LRP1B: variants seen among roughly 807,000 people sequenced by gnomAD.
LRP1B encodes the protein LDL receptor related protein 1B.
In LRP1B, 217 loss-of-function variants were observed where a neutral mutation model predicts 556.6. That is an observed-to-expected ratio of 0.39 (90% confidence interval 0.35 to 0.44). The LOEUF (loss-of-function observed/expected upper bound fraction) is 0.44, where lower values mean the gene tolerates loss of function less well. Ranked by LOEUF, LRP1B falls within the 20% of genes least tolerant of loss-of-function variation. LRP1B has a pLI of 1.00. For synonymous variants in LRP1B, 2,047 were observed against 1,865.8 expected, an observed-to-expected ratio of 1.10 and a Z score of -2.50; for missense variants, 5,053 against 5,620.8, an observed-to-expected ratio of 0.90 and a Z score of 3.23.
chr2:140,525,792 A>G, intron 49 of LRP1B, 52 bp downstream of exon 49: 1 of 1,562,958 alleles, frequency 6.4e-7, no homozygotes, highest in Non-Finnish European at 8.7e-7. Flanking sequence ...ACAACCAGGT[A>G]GCCTCAAAAT....
intron 43 of LRP1B, among the ~76,000 whole-genome samples, chr2:140,551,414 A>C (rs1680543595): frequency 6.6e-6 from 1 of 152,134 alleles, no homozygotes. Flanking sequence ...AACAGGGAGC[A>C]TGAAGTGCTG....
chr2:140,610,258 A>T (rs1158041740), intron 41 of LRP1B, among the ~76,000 whole-genome samples: 1 of 152,062 alleles, frequency 6.6e-6, no homozygotes, highest in Non-Finnish European at 1.5e-5. Flanking sequence ...TCTTTTTCTT[A>T]GTTGTTCCCC....
intron 2 of LRP1B, among the ~76,000 whole-genome samples, chr2:141,624,772 T>A (rs1412184594): frequency 1.3e-5 from 2 of 152,172 alleles, no homozygotes; most frequent in Non-Finnish European, 2.9e-5. Context: ...TTATTTATTT[T>A]TTATTTTTAT....
chr2:140,945,632 G>C (rs115441363), intron 20 of LRP1B, among the ~76,000 whole-genome samples: 2 of 152,104 alleles, frequency 1.3e-5, no homozygotes, highest in African/African-American at 4.8e-5. Context: ...TCAATAAATG[G>C]CGTTGGGAGC....
intron 82 of LRP1B, among the ~76,000 whole-genome samples, chr2:140,317,716 G>A (rs1684586992): frequency 6.6e-6 from 1 of 152,096 alleles, no homozygotes; most frequent in Admixed American, 6.6e-5. Context: ...AAGCACTTAA[G>A]GCATTATGAT....
chr2:140,482,113 A>G (rs1270176680), intron 59 of LRP1B, among the ~76,000 whole-genome samples: 2 of 151,988 alleles, frequency 1.3e-5, no homozygotes, highest in Non-Finnish European at 2.9e-5. Flanking sequence ...CCTACATACT[A>G]GACTGAAACA....
chr2:141,884,059 T>G (rs1369528), intron 1 of LRP1B, among the ~76,000 whole-genome samples: 2 of 151,970 alleles, frequency 1.3e-5, no homozygotes, highest in African/African-American at 4.8e-5. Flanking sequence ...AGGAACCCTA[T>G]CTGAGTCTTT....
intron 3 of LRP1B, among the ~76,000 whole-genome samples, chr2:141,470,530 T>C (rs111529424): frequency 2.0e-5 from 3 of 152,196 alleles, no homozygotes; most frequent in African/African-American, 7.2e-5. Context: ...TGAAGCATCA[T>C]AATGTTATGC....
At chr2:140,916,775 GACAA>G (rs1202042459) in intron 21 of LRP1B, among the ~76,000 whole-genome samples, 2 of 152,152 alleles carry the variant, frequency 1.3e-5, no homozygotes, top group East Asian at 1.9e-4. Flanking sequence ...CATACTTAGA[GACAA>G]ACAATGACAA....
intron 41 of LRP1B, among the ~76,000 whole-genome samples, chr2:140,697,407 T>C (rs1385357372): frequency 2.6e-5 from 4 of 151,972 alleles, no homozygotes; most frequent in Non-Finnish European, 5.9e-5. Context: ...CTCTATTATA[T>C]GAATATATAT....
At chr2:141,772,498 C>A (rs1378561849) in intron 2 of LRP1B, among the ~76,000 whole-genome samples, 1 of 152,140 alleles carries the variant, frequency 6.6e-6, no homozygotes. Flanking sequence ...AATGCAAATT[C>A]CCAGGCGCTT....
chr2:141,001,793 C>T (rs527347212), intron 15 of LRP1B, among the ~76,000 whole-genome samples: 10 of 152,216 alleles, frequency 6.6e-5, no homozygotes, highest in East Asian at 3.9e-4. Context: ...TGCGTGCGCA[C>T]GCATATGCAT....
chr2:142,010,350 C>G (rs1702917287), intron 1 of LRP1B, among the ~76,000 whole-genome samples: 1 of 151,756 alleles, frequency 6.6e-6, no homozygotes, highest in African/African-American at 2.4e-5. Context: ...GTCAGGAGAT[C>G]GAGACCATCC....
rs138278577 is a variant in LRP1B, at chr2:141,128,038, A to G, written c.1013+60383T>C. 1.8e-3 allele frequency among the ~76,000 whole-genome samples: 280 copies of G among 152,280 alleles called. 2 individuals carry two copies. Among genetic ancestry groups the G allele is most frequent in the African/African-American group, 6.5e-3 (272 of 41,570 alleles). On this transcript the variant is annotated intron_variant, in intron 7 of 90. Coordinates refer to ENST00000389484, the MANE Select transcript of LRP1B (RefSeq NM_018557.3). ...ATGTTTTTGCTATATTGCCTAGGCT[A>G]GAAGCAATCACAGCTCATTGTAACC...
chr2:140,633,478 G>A (rs1683968205), intron 41 of LRP1B, among the ~76,000 whole-genome samples: 3 of 152,176 alleles, frequency 2.0e-5, no homozygotes, highest in African/African-American at 7.2e-5. Context: ...AAAAATTGAA[G>A]CAGAAGTCAT....
chr2:141,994,738 C>T (rs1179473529), intron 1 of LRP1B, among the ~76,000 whole-genome samples: 4 of 152,026 alleles, frequency 2.6e-5, no homozygotes, highest in African/African-American at 9.7e-5. Context: ...ATTAATTGCC[C>T]ATATATAAAA....
At chr2:141,900,361 A>G (rs185610261) in intron 1 of LRP1B, among the ~76,000 whole-genome samples, 2 of 152,228 alleles carry the variant, frequency 1.3e-5, no homozygotes, top group East Asian at 1.9e-4. Context: ...CAGATATGCA[A>G]AAGAAAATTA....
At chr2:140,660,359 T>A (rs1268608555) in intron 41 of LRP1B, among the ~76,000 whole-genome samples, 1 of 152,164 alleles carries the variant, frequency 6.6e-6, no homozygotes, top group Non-Finnish European at 1.5e-5. Flanking sequence ...TACTGTACTA[T>A]GATTTTGTTT....
intron 71 of LRP1B, among the ~76,000 whole-genome samples, chr2:140,366,574 C>T (rs753749040): frequency 4.6e-5 from 7 of 151,408 alleles, no homozygotes; most frequent in African/African-American, 7.3e-5. Flanking sequence ...TAGGTAAAGA[C>T]GAGTCTACAA....
Sources: allele counts gnomAD v4.1 joint callset (sites outside exome capture counted in the v4.1 genomes callset), GRCh38; gene constraint gnomAD v4.1.1; transcripts MANE v1.5; gene names NCBI Gene and HGNC (gene_info 2026-07-23, HGNC 2026-07-21).